TTC23: variants seen among roughly 807,000 people sequenced by gnomAD.
TTC23 encodes the protein tetratricopeptide repeat protein 23.
TTC23 carries 58 observed loss-of-function variants against 55.1 expected under a neutral mutation model. The ratio of observed to expected loss-of-function variants is 1.05; its 90% CI spans 0.85 to 1.31. The LOEUF (loss-of-function observed/expected upper bound fraction) is 1.31, where lower values mean the gene tolerates loss of function less well. Ranked by LOEUF, TTC23 falls within the 50% of genes most tolerant of loss-of-function variation. The probability of loss-of-function intolerance (pLI) is 0.00; values close to 1 mark genes in which losing one functional copy is unlikely to be tolerated. For synonymous variants in TTC23, 203 were observed against 199.9 expected (o/e 1.02, Z -0.13); for missense variants, 516 against 534.4 (o/e 0.97, Z 0.34).
At chr15:99,237,988 C>T (rs376101027) in intron 3 of TTC23, among the ~76,000 whole-genome samples, 50 of 152,160 alleles carry the variant, frequency 3.3e-4, no homozygotes, top group South Asian at 2.1e-3. Flanking sequence ...TTTTTTGAGA[C>T]GGAGTCTCAC....
intron 10 of TTC23, among the ~76,000 whole-genome samples, chr15:99,162,367 C>T (rs764202289): frequency 5.3e-5 from 8 of 152,138 alleles, no homozygotes; most frequent in Non-Finnish European, 1.2e-4. Flanking sequence ...CCCAATCATT[C>T]CAAATACTTC....
intron 3 of TTC23, among the ~76,000 whole-genome samples, chr15:99,240,293 T>TA (rs1244355094): frequency 6.6e-6 from 1 of 152,232 alleles, no homozygotes; most frequent in Non-Finnish European, 1.5e-5. Flanking sequence ...GGCTTAATTG[T>TA]AAAAACTGGT....
At chr15:99,196,787 C>T (rs1244327792) in intron 9 of TTC23, among the ~76,000 whole-genome samples, 1 of 152,198 alleles carries the variant, frequency 6.6e-6, no homozygotes, top group Non-Finnish European at 1.5e-5. Flanking sequence ...GAATGATAAT[C>T]TGATGATGCC....
At chr15:99,215,136 A>G (rs1019441616) in intron 8 of TTC23, among the ~76,000 whole-genome samples, 30 of 149,438 alleles carry the variant, frequency 2.0e-4, no homozygotes, top group African/African-American at 6.2e-4. Flanking sequence ...GATTACAGGC[A>G]TGAGCCACCG....
chr15:99,157,074 T>C (rs2151883720), intron 11 of TTC23, among the ~76,000 whole-genome samples: 1 of 151,158 alleles, frequency 6.6e-6, no homozygotes, highest in South Asian at 2.1e-4. Context: ...TTGCTCAGAG[T>C]CAGAGGGCTC....
At chr15:99,194,661 C>T (rs964935053) in intron 9 of TTC23, among the ~76,000 whole-genome samples, 7 of 151,714 alleles carry the variant, frequency 4.6e-5, no homozygotes, top group South Asian at 2.1e-4. Flanking sequence ...ACTAGCTGAG[C>T]GCAGTGGCTC....
At chr15:99,142,949 T>A (rs2068417173) in intron 12 of TTC23, among the ~76,000 whole-genome samples, 1 of 152,230 alleles carries the variant, frequency 6.6e-6, no homozygotes, top group African/African-American at 2.4e-5. Flanking sequence ...TAGACCTTTG[T>A]CAAAACTCAA....
chr15:99,169,681 GGA>G (rs1194979017), intron 10 of TTC23, among the ~76,000 whole-genome samples: 1 of 152,240 alleles, frequency 6.6e-6, no homozygotes, highest in Non-Finnish European at 1.5e-5. Context: ...GTAAAAAAGA[GGA>G]GACCTGGGTG....
chr15:99,148,538 A>G (rs2069274657), intron 12 of TTC23: 1 of 152,078 alleles, frequency 6.6e-6, no homozygotes, highest in Admixed American at 6.5e-5. Flanking sequence ...TTTAATGCCC[A>G]CAGCTAAAGT....
chr15:99,202,106 G>T (rs1317341666), intron 8 of TTC23, among the ~76,000 whole-genome samples: 1 of 152,176 alleles, frequency 6.6e-6, no homozygotes, highest in East Asian at 1.9e-4. Context: ...GGTTGCCACA[G>T]AAACCATATG....
intron 12 of TTC23, among the ~76,000 whole-genome samples, chr15:99,150,450 A>C (rs549666561): frequency 3.3e-5 from 5 of 152,270 alleles, no homozygotes; most frequent in Non-Finnish European, 7.3e-5. Flanking sequence ...TGTAGACGTA[A>C]TAGTCCAAGA....
At chr15:99,190,616 C>G (rs967946704) in intron 9 of TTC23, among the ~76,000 whole-genome samples, 9 of 152,028 alleles carry the variant, frequency 5.9e-5, no homozygotes, top group African/African-American at 2.2e-4. Context: ...ACCAATGTGG[C>G]AAAATACGTT....
At position 99,169,506 on chromosome 15, in the gene TTC23, G is replaced by A. The variant is rs148196186; in HGVS notation, c.865+5544C>T. ...CCTGTCAGGGGCCCACAAGACCTAG[G>A]GCCTGTGTACACCAGGGGTGCCTGA... On this transcript the variant is annotated intron_variant, in intron 10 of 13. Transcript: ENST00000394132. Among the ~76,000 whole-genome samples the A allele has an allele frequency of 1.1e-3, 164 of 152,290 alleles. 2 individuals are homozygous for A. The highest frequency in any genetic ancestry group is 8.1e-3 in the South Asian group (39 of 4,828).
In TTC23 at chr15:99,221,803, T is replaced by C; in HGVS notation, c.242A>G (p.Asp81Gly). ...CVALTRICYG[D>G]SHWKLAEAHV... ...TGCCTCTGCTAGTTTCCAATGTGAGTCTCCATAGCAAATTCTTGTCAGTGC... is the reference window on the plus strand; with the variant it reads ...TGCCTCTGCTAGTTTCCAATGTGAGCCTCCATAGCAAATTCTTGTCAGTGC... Residue 81 changes from aspartate to glycine, a missense_variant, in exon 6 of 14, where the codon GAC becomes GGC. Coordinates refer to ENST00000394132, the MANE Select transcript of TTC23 (RefSeq NM_001288615.3). 1.9e-6 allele frequency: 3 copies of C among 1,614,126 alleles called. No individual in the cohort carries two copies. Among genetic ancestry groups the C allele is most frequent in the Non-Finnish European group, 2.5e-6 (3 of 1,180,008 alleles).
chr15:99,168,609 G>A (rs930300494), intron 10 of TTC23, among the ~76,000 whole-genome samples: 6 of 152,204 alleles, frequency 3.9e-5, no homozygotes, highest in African/African-American at 1.4e-4. Context: ...TGGTCATCAT[G>A]CTGCTCATGC....
chr15:99,189,806 T>G (rs2075069537), intron 9 of TTC23, among the ~76,000 whole-genome samples: 2 of 152,158 alleles, frequency 1.3e-5, no homozygotes, highest in Non-Finnish European at 2.9e-5. Context: ...GGAGTGGATC[T>G]TGCATTGGAG....
chr15:99,232,578 A>G (rs1304188605), intron 4 of TTC23, among the ~76,000 whole-genome samples: 1 of 152,210 alleles, frequency 6.6e-6, no homozygotes, highest in Non-Finnish European at 1.5e-5. Flanking sequence ...TGTTATCATT[A>G]GAGAAATGCA....
At chr15:99,215,565 C>T (rs1193928622) in intron 8 of TTC23, among the ~76,000 whole-genome samples, 6 of 151,962 alleles carry the variant, frequency 3.9e-5, no homozygotes, top group Admixed American at 2.0e-4. Flanking sequence ...GGCAACATAG[C>T]GAAATTTCAT....
chr15:99,242,436 A>G (rs1222362307), intron 2 of TTC23, among the ~76,000 whole-genome samples: 1 of 152,204 alleles, frequency 6.6e-6, no homozygotes, highest in Non-Finnish European at 1.5e-5. Context: ...AAGAAACAAC[A>G]TGAGTATTTT....
Sources: gnomAD v4.1 joint callset for allele counts (sites outside exome capture counted in the v4.1 genomes callset) on GRCh38, gnomAD v4.1.1 for gene constraint, MANE v1.5 for transcripts, NCBI Gene and HGNC (gene_info 2026-07-23, HGNC 2026-07-21) for gene names.